The following ZNF423 variants were observed in gnomAD, a reference collection of about 807,000 sequenced individuals.
ZNF423 encodes Ebf-associated zinc finger protein.
Under a neutral mutation model 95.8 loss-of-function variants are expected in ZNF423, and 12 were observed. The observed-to-expected ratio is 0.13, with a 90% CI of 0.08 to 0.20. The LOEUF (loss-of-function observed/expected upper bound fraction) is 0.20. Ranked by LOEUF, ZNF423 falls within the 10% of genes least tolerant of loss-of-function variation. The pLI is 1.00. For missense variants in ZNF423, 1,316 were observed against 1,737.1 expected, an observed-to-expected ratio of 0.76 and a Z score of 4.31; for synonymous variants, 749 against 711.9, an observed-to-expected ratio of 1.05 and a Z score of -0.83.
At chr16:49,581,210 C>T (rs9934406) in intron 5 of ZNF423, among the ~76,000 whole-genome samples, 26,878 of 152,152 alleles carry the variant, frequency 0.18, 2,653 homozygotes, top group East Asian at 0.34. Flanking sequence ...TTAAACATTT[C>T]TAAAGTCTCC....
At chr16:49,559,186 G>C (rs922044482) in intron 5 of ZNF423, among the ~76,000 whole-genome samples, 4 of 152,258 alleles carry the variant, frequency 2.6e-5, no homozygotes, top group African/African-American at 9.6e-5. Flanking sequence ...GCGAGTCCCA[G>C]AGAGGTCTAC....
chr16:49,706,031 C>T (rs781596578), intron 3 of ZNF423, among the ~76,000 whole-genome samples: 4 of 152,120 alleles, frequency 2.6e-5, no homozygotes, highest in Non-Finnish European at 4.4e-5. Flanking sequence ...GGGAGGCACA[C>T]TGCGGGGTGG....
At chr16:49,607,500 T>C (rs1971577637) in intron 5 of ZNF423, among the ~76,000 whole-genome samples, 1 of 152,172 alleles carries the variant, frequency 6.6e-6, no homozygotes, top group South Asian at 2.1e-4. Flanking sequence ...CTGAAGAAGC[T>C]GGGTTTGTGT....
Position 49,636,409 on chromosome 16 carries a change from C to T in ZNF423, c.2767G>A (p.Glu923Lys), listed in dbSNP as rs775773432. The change falls in exon 4 of 8, where the codon GAG becomes AAG. Residue 923 changes from glutamate (E) to lysine (K), a missense_variant. This residue lies in a region of ZNF423 where 620 missense variants were observed against 775.6 expected (regional missense o/e 0.80). Coordinates refer to ENST00000563137, the MANE Select transcript of ZNF423 (RefSeq NM_001379286.1). The surrounding 1 kb of genome is among the most constrained non-coding windows in gnomAD (Gnocchi z 8.6). Reference protein sequence around the residue: ...RLRDHNIRPGEDDGSRKKAEF... With the variant: ...RLRDHNIRPGKDDGSRKKAEF... ...GCCTTCTTGCGTGAGCCATCATCCT[C>T]GCCCGGCCGGATATTGTGGTCCCGC... 1.9e-5 allele frequency: 30 copies of T among 1,613,220 alleles called. No homozygotes were observed. The highest frequency in any genetic ancestry group is 1.1e-4 in the East Asian group (5 of 44,890).
chr16:49,545,733 T>C (rs570965786), intron 5 of ZNF423, among the ~76,000 whole-genome samples: 1 of 152,298 alleles, frequency 6.6e-6, no homozygotes, highest in African/African-American at 2.4e-5. Flanking sequence ...CAAGCAAAGC[T>C]GAACAGACAC....
intron 1 of ZNF423, chr16:49,854,693 C>G (rs1188990316): frequency 1.0e-6 from 1 of 985,446 alleles, no homozygotes; most frequent in Non-Finnish European, 1.2e-6. Context: ...AAAGGCCAGC[C>G]GCGGGGAGAG....
chr16:49,660,413 AAT>A (rs1181550523), intron 3 of ZNF423, among the ~76,000 whole-genome samples: 2 of 152,154 alleles, frequency 1.3e-5, no homozygotes, highest in African/African-American at 4.8e-5. Context: ...TGAATGAATG[AAT>A]GAATAGTCTA....
chr16:49,784,755 G>A (rs2034282237), intron 2 of ZNF423, among the ~76,000 whole-genome samples: 2 of 152,084 alleles, frequency 1.3e-5, no homozygotes, highest in Non-Finnish European at 2.9e-5. Context: ...TTCAAGACCA[G>A]CCTGGCCAAC....
chr16:49,592,923 A>G (rs548433763), intron 5 of ZNF423, among the ~76,000 whole-genome samples: 1 of 152,372 alleles, frequency 6.6e-6, no homozygotes, highest in Non-Finnish European at 1.5e-5. Flanking sequence ...AAGATATGTT[A>G]GCAAGGTGTG....
intron 6 of ZNF423, 31 bp from the exon 7 acceptor site, chr16:49,523,770 C>T (rs1441530871): frequency 6.3e-7 from 1 of 1,585,568 alleles, no homozygotes; most frequent in East Asian, 2.2e-5. Flanking sequence ...CAGGGCCAAG[C>T]TCAGGACACC....
At chr16:49,727,635 G>A (rs767434119) in intron 3 of ZNF423, among the ~76,000 whole-genome samples, 1 of 152,148 alleles carries the variant, frequency 6.6e-6, no homozygotes, top group Non-Finnish European at 1.5e-5. Flanking sequence ...GGCTGACCCT[G>A]CCAGGACACA....
At chr16:49,845,405 A>AT (rs912040262) in intron 1 of ZNF423, among the ~76,000 whole-genome samples, 120 of 145,640 alleles carry the variant, frequency 8.2e-4, no homozygotes, top group South Asian at 6.2e-3. Context: ...GCGCCCAGCA[A>AT]TTTTTTTTTT....
At chr16:49,508,017 GC>G (rs1295230941) in intron 7 of ZNF423, among the ~76,000 whole-genome samples, 1 of 151,912 alleles carries the variant, frequency 6.6e-6, no homozygotes, top group Non-Finnish European at 1.5e-5. Flanking sequence ...GAGGACAGAA[GC>G]CGGGGCTGGT....
At chr16:49,540,946 T>G (rs1208780644) in intron 5 of ZNF423, among the ~76,000 whole-genome samples, 2 of 152,200 alleles carry the variant, frequency 1.3e-5, no homozygotes, top group African/African-American at 2.4e-5. Context: ...CCAGTGGCCC[T>G]CTGTCTAGTT....
intron 2 of ZNF423, among the ~76,000 whole-genome samples, chr16:49,748,490 TA>T (rs921232175): frequency 1.8e-4 from 27 of 152,168 alleles, no homozygotes; most frequent in African/African-American, 6.3e-4. Flanking sequence ...AGGTACTGCC[TA>T]AAACGCGTCT....
chr16:49,854,360 G>T (rs1034096882), intron 1 of ZNF423: 5 of 985,486 alleles, frequency 5.1e-6, no homozygotes, highest in Non-Finnish European at 6.0e-6. Flanking sequence ...CAGGAGGACA[G>T]AACTGACGAG....
intron 3 of ZNF423, among the ~76,000 whole-genome samples, chr16:49,655,462 G>A (rs1273707569): frequency 5.3e-5 from 8 of 152,186 alleles, no homozygotes; most frequent in African/African-American, 1.9e-4. Flanking sequence ...CAACGACCCA[G>A]GGCTCTCAAC....
intron 5 of ZNF423, among the ~76,000 whole-genome samples, chr16:49,575,887 C>T (rs551205446): frequency 2.0e-5 from 3 of 152,250 alleles, no homozygotes; most frequent in African/African-American, 4.8e-5. Context: ...GAAGGAGGCA[C>T]GGGCTGCCCT....
At chr16:49,534,398 C>T (rs1270816946) in intron 5 of ZNF423, among the ~76,000 whole-genome samples, 1 of 152,108 alleles carries the variant, frequency 6.6e-6, no homozygotes, top group Non-Finnish European at 1.5e-5. Flanking sequence ...GGACTACAGG[C>T]GCACACCACC....
Sources: allele counts gnomAD v4.1 joint callset (sites outside exome capture counted in the v4.1 genomes callset), GRCh38; gene constraint gnomAD v4.1.1; regional missense constraint gnomAD v4.1.1; non-coding constraint Gnocchi (gnomAD v3.1); transcripts MANE v1.5; gene names NCBI Gene and HGNC (gene_info 2026-07-23, HGNC 2026-07-21).